The following TMED3 variants were observed in gnomAD, a reference collection of about 807,000 sequenced individuals.
TMED3 encodes the protein transmembrane p24 trafficking protein 3.
A neutral mutation model predicts 15.0 loss-of-function variants in TMED3; 9 were observed. That is an observed-to-expected ratio of 0.60 (90% CI 0.36 to 1.04). TMED3 has a LOEUF of 1.04. TMED3 is among the 50% of genes least tolerant of loss of function. The pLI is 0.01. For synonymous variants in TMED3, 117 were observed against 121.4 expected, an observed-to-expected ratio of 0.96 and a Z score of 0.24; for missense variants, 267 against 278.9, an observed-to-expected ratio of 0.96 and a Z score of 0.30.
intron 2 of TMED3, among the ~76,000 whole-genome samples, chr15:79,401,913 C>A (rs1038875904): frequency 1.3e-5 from 2 of 152,098 alleles, no homozygotes; most frequent in African/African-American, 4.8e-5. Context: ...TTGGAGGAGG[C>A]ATTCTTCATG....
chr15:79,322,952 A>G (rs2058774370), downstream of TMED3: 1 of 956,792 alleles, frequency 1.0e-6, no homozygotes, highest in Non-Finnish European at 1.2e-6. Flanking sequence ...AGAGAGGTGC[A>G]TGGGGTGCTG....
chr15:79,326,290 A>G (rs7163643), downstream of TMED3, among the ~76,000 whole-genome samples: 104,833 of 152,090 alleles, frequency 0.69, 36,394 homozygotes, highest in East Asian at 0.85. Flanking sequence ...CAAAGAGGAA[A>G]CTTAGAATCA....
intron 2 of TMED3, among the ~76,000 whole-genome samples, chr15:79,395,606 A>AT (rs1364591008): frequency 4.6e-5 from 7 of 152,290 alleles, no homozygotes; most frequent in Middle Eastern, 6.8e-3. Context: ...TACTTATGCT[A>AT]TTTTTTGTTA....
chr15:79,377,854 G>C (rs1181088379), intron 2 of TMED3, among the ~76,000 whole-genome samples: 1 of 151,912 alleles, frequency 6.6e-6, no homozygotes, highest in East Asian at 1.9e-4. Flanking sequence ...CACCGTGTTA[G>C]CCAGGATGGT....
At chr15:79,343,000 G>A (rs917640598) in intron 2 of TMED3, among the ~76,000 whole-genome samples, 4 of 152,156 alleles carry the variant, frequency 2.6e-5, no homozygotes, top group Non-Finnish European at 4.4e-5. Flanking sequence ...AGGTCTCATC[G>A]ATGAGATTTT....
intron 2 of TMED3, among the ~76,000 whole-genome samples, chr15:79,360,616 A>G (rs1893106535): frequency 6.6e-6 from 1 of 152,162 alleles, no homozygotes; most frequent in African/African-American, 2.4e-5. Flanking sequence ...ATATCGTTAG[A>G]CCGCGACATC....
rs138222532 is a variant in TMED3, at chr15:79,392,740, T to C, written c.418-18660T>C. Among the ~76,000 whole-genome samples, 493 of 152,314 alleles carry C rather than the reference T, an allele frequency of 3.2e-3. 3 individuals are homozygous for C. Among genetic ancestry groups the C allele is most frequent in the African/African-American group, 0.011 (473 of 41,566 alleles). On this transcript the variant is annotated intron_variant, in intron 2 of 2. Transcript: ENST00000424155. The stretch of plus-strand genomic sequence containing the variant: ...TGTTCTGGACTTCATATTTGAAAAA[T>C]TATTTGGAGAAGTAATTTGAGGCCT...
intron 2 of TMED3, among the ~76,000 whole-genome samples, chr15:79,343,494 T>G (rs1243177480): frequency 1.3e-5 from 2 of 152,258 alleles, no homozygotes; most frequent in Admixed American, 1.3e-4. Flanking sequence ...ACATTTTATT[T>G]AGACATCCAT....
At chr15:79,386,165 C>T (rs1048147577) in intron 2 of TMED3, among the ~76,000 whole-genome samples, 2 of 152,074 alleles carry the variant, frequency 1.3e-5, no homozygotes, top group African/African-American at 4.8e-5. Context: ...TTAATGGGTA[C>T]GGAGTTTCAG....
intron 2 of TMED3, among the ~76,000 whole-genome samples, chr15:79,388,789 G>A (rs1893660437): frequency 6.6e-6 from 1 of 152,118 alleles, no homozygotes; most frequent in African/African-American, 2.4e-5. Flanking sequence ...GGCCATTCTT[G>A]CAGGAGTAAG....
At chr15:79,336,690 A>AAAACAAAC (rs535657332) in intron 2 of TMED3, among the ~76,000 whole-genome samples, 1 of 146,324 alleles carries the variant, frequency 6.8e-6, no homozygotes, top group Non-Finnish European at 1.5e-5. Flanking sequence ...ACTCTGTCTC[A>AAAACAAAC]AAACAAACAA....
At chr15:79,407,677 T>C (rs1377082238) in intron 2 of TMED3, among the ~76,000 whole-genome samples, 2 of 152,198 alleles carry the variant, frequency 1.3e-5, no homozygotes, top group East Asian at 3.9e-4. Flanking sequence ...TTTGTTTATG[T>C]ATTGCCTAGA....
intron 2 of TMED3, among the ~76,000 whole-genome samples, chr15:79,348,228 A>G (rs987593877): frequency 2.0e-5 from 3 of 152,338 alleles, no homozygotes; most frequent in Non-Finnish European, 2.9e-5. Context: ...CACAGATGAC[A>G]GGTCACTTGT....
At chr15:79,360,305 A>G (rs1031326522) in intron 2 of TMED3, among the ~76,000 whole-genome samples, 1 of 152,168 alleles carries the variant, frequency 6.6e-6, no homozygotes, top group African/African-American at 2.4e-5. Flanking sequence ...GCCATCTTAC[A>G]TGGATATTAA....
chr15:79,324,916 T>A (rs1314851869), downstream of TMED3, among the ~76,000 whole-genome samples: 3 of 152,202 alleles, frequency 2.0e-5, no homozygotes, highest in African/African-American at 7.2e-5. Context: ...GAACCTTCAT[T>A]TCCTCATCTG....
chr15:79,311,216 G>A lies in TMED3; in HGVS notation c.-34G>A. On this transcript the variant is annotated 5_prime_UTR_variant, in exon 1 of 3. Transcript: ENST00000299705. The stretch of plus-strand genomic sequence containing the variant: ...CCAGCCCGCCGGGGGCGCAGCGCCC[G>A]AGCCGCGGCCCTCGAGACGGGACCG... 5.8e-6 allele frequency: 9 copies of A among 1,565,072 alleles called. No homozygotes were observed. Among genetic ancestry groups the A allele is most frequent in the Non-Finnish European group, 7.8e-6 (9 of 1,161,278 alleles).
chr15:79,361,997 A>C (rs1399955175), intron 2 of TMED3, among the ~76,000 whole-genome samples: 1 of 152,192 alleles, frequency 6.6e-6, no homozygotes, highest in African/African-American at 2.4e-5. Flanking sequence ...GTCTATAAGA[A>C]GAATACAAAG....
intron 2 of TMED3, among the ~76,000 whole-genome samples, chr15:79,337,209 G>A (rs188458820): frequency 6.6e-6 from 1 of 152,190 alleles, no homozygotes. Flanking sequence ...AACAGGGTTG[G>A]TTTCTCCTGA....
intron 2 of TMED3, chr15:79,314,587 GAAAAGCCCATCTACTTCTT>G: frequency 2.2e-6 from 1 of 455,218 alleles, no homozygotes; most frequent in South Asian, 1.5e-5. Context: ...GAGAGAATGA[GAAAAGCCCATCTACTTCTT>G]AAAAGCCCAG....
Sources: gnomAD v4.1 joint callset for allele counts (sites outside exome capture counted in the v4.1 genomes callset) on GRCh38, gnomAD v4.1.1 for gene constraint, MANE v1.5 for transcripts, NCBI Gene and HGNC (gene_info 2026-07-23, HGNC 2026-07-21) for gene names.